The following PER2 variants were observed in gnomAD, a reference collection of about 807,000 sequenced individuals.
PER2 encodes period circadian regulator 2, also known as period circadian protein homolog 2.
PER2 carries 66 observed loss-of-function variants against 121.0 expected under a neutral mutation model. The observed-to-expected ratio is 0.55, with a 90% CI of 0.45 to 0.67. The LOEUF (loss-of-function observed/expected upper bound fraction) is 0.67, where lower values mean the gene tolerates loss of function less well. Among genes scored for constraint, PER2 ranks in the 30% least tolerant of loss-of-function variants. The probability of loss-of-function intolerance (pLI) is 0.00; values close to 1 mark genes in which losing one functional copy is unlikely to be tolerated. For missense variants in PER2, 1,521 were observed against 1,635.0 expected (o/e 0.93, Z 1.20); for synonymous variants, 684 against 659.9 (o/e 1.04, Z -0.56).
chr2:238,261,235 C>G (rs1695920449), intron 12 of PER2, among the ~76,000 whole-genome samples: 1 of 152,236 alleles, frequency 6.6e-6, no homozygotes, highest in African/African-American at 2.4e-5. Flanking sequence ...CCAGCCACGC[C>G]TCTGTGGATG....
chr2:238,294,602 C>G (rs1019606328), upstream of PER2, among the ~76,000 whole-genome samples: 2 of 152,206 alleles, frequency 1.3e-5, no homozygotes, highest in Non-Finnish European at 2.9e-5. Context: ...ATAGGACATG[C>G]GCCTGCATTC....
At position 238,258,583 on chromosome 2, in the gene PER2, C is replaced by A; in HGVS notation, c.1689G>T (p.Leu563=). 6.2e-7 allele frequency: 1 copy of A among 1,614,142 alleles called. No homozygotes were observed. Among genetic ancestry groups the A allele is most frequent in the Non-Finnish European group, 8.5e-7 (1 of 1,179,952 alleles). ...CCAACTCCTCGGGGAAGCTGACCCCCAGGCTGTCCTTTTCCATGGCAGGGA... is the reference window on the plus strand; with the variant it reads ...CCAACTCCTCGGGGAAGCTGACCCCAAGGCTGTCCTTTTCCATGGCAGGGA... ...KAVPAMEKDS[L]GVSFPEELAC... The change falls in exon 15 of 23, where the codon CTG becomes CTT. Residue 563 remains leucine (L), a synonymous_variant. Coordinates refer to ENST00000254657, the MANE Select transcript of PER2 (RefSeq NM_022817.3).
At chr2:238,265,665 A>G (rs1696069855) in intron 8 of PER2, 75 bp from the exon 9 acceptor site, 3 of 915,770 alleles carry the variant, frequency 3.3e-6, no homozygotes, top group Non-Finnish European at 5.5e-6. Context: ...AACTACCAGA[A>G]AACACCCTGT....
chr2:238,273,201 A>G lies in PER2; in HGVS notation c.449-10T>C, dbSNP rs781491708. On this transcript the variant is annotated splice_polypyrimidine_tract_variant and intron_variant, in intron 4 of 22. Transcript: ENST00000254657. ...TAATACTCTTCATTGGCTGCAGGAG[A>G]GACAGTGTTCACTCAGTGGGCAGAA... is the stretch of plus-strand genomic sequence containing the variant. 7 of 1,611,364 alleles carry G rather than the reference A, an allele frequency of 4.3e-6. No homozygotes were observed. The highest frequency in any genetic ancestry group is 5.9e-6 in the Non-Finnish European group (7 of 1,179,212).
intron 1 of PER2, among the ~76,000 whole-genome samples, chr2:238,287,232 G>A (rs183498597): frequency 4.5e-4 from 69 of 152,312 alleles, no homozygotes; most frequent in Non-Finnish European, 6.9e-4. Flanking sequence ...CACCCACGGT[G>A]CCATCCCCGC....
At chr2:238,290,488 G>C (rs1371327302), upstream of PER2, among the ~76,000 whole-genome samples, 2 of 152,106 alleles carry the variant, frequency 1.3e-5, no homozygotes, top group Non-Finnish European at 2.9e-5. Flanking sequence ...GCTGGGTCTT[G>C]CTCCATATTC....
intron 2 of PER2, 110 bp downstream of exon 2, chr2:238,277,597 A>G: frequency 7.6e-7 from 1 of 1,308,866 alleles, no homozygotes; most frequent in Non-Finnish European, 1.1e-6. Context: ...AAATCTTGAA[A>G]AACTTGGTAA....
At chr2:238,263,296 G>A (rs1035235427) in intron 9 of PER2, among the ~76,000 whole-genome samples, 2 of 152,066 alleles carry the variant, frequency 1.3e-5, no homozygotes, top group African/African-American at 4.8e-5. Flanking sequence ...GAGTGCTTCA[G>A]CTCTGCGTTT....
intron 5 of PER2, 62 bp from the exon 6 acceptor site, chr2:238,271,575 T>A: frequency 7.6e-7 from 1 of 1,321,544 alleles, no homozygotes; most frequent in Non-Finnish European, 1.1e-6. Flanking sequence ...CACATCCGAC[T>A]CAGGCAGGCA....
At chr2:238,283,037 G>A (rs940557798) in intron 1 of PER2, among the ~76,000 whole-genome samples, 8 of 152,022 alleles carry the variant, frequency 5.3e-5, no homozygotes, top group South Asian at 2.1e-4. Flanking sequence ...CTCGGATGAC[G>A]TGCCACACCA....
Position 238,245,333 on chromosome 2 carries a change from T to G in PER2, c.*1042A>C, listed in dbSNP as rs1484730413. The G allele has an allele frequency of 6.7e-5, 25 of 373,590 alleles. No individual in the cohort carries two copies. The East Asian group carries it at 9.1e-4, about 14-fold the overall frequency. 23.1% of individuals were successfully genotyped at this position (373,590 alleles called of 1,614,324 possible). ...AGAGAGGTCGGGCTCATGAAAAGAA[T>G]GAGGGCTGTGCACCCAACCCAGGGT... On this transcript the variant is annotated 3_prime_UTR_variant, in exon 23 of 23. Coordinates refer to ENST00000254657, the MANE Select transcript of PER2 (RefSeq NM_022817.3).
intron 17 of PER2, 72 bp from the exon 18 acceptor site, chr2:238,255,983 C>A: frequency 1.3e-6 from 2 of 1,557,396 alleles, no homozygotes; most frequent in African/African-American, 1.4e-5. Context: ...ACTATATTCA[C>A]GAACAAGACA....
At chr2:238,299,819 C>CA in the PER2 span, 1 of 152,234 alleles carries the variant, frequency 6.6e-6, no homozygotes, top group East Asian at 1.9e-4. Context: ...AGGTGTCCTG[C>CA]AAGGTGTTTG....
chr2:238,269,373 C>T (rs1486869160), intron 6 of PER2, among the ~76,000 whole-genome samples: 3 of 145,954 alleles, frequency 2.1e-5, no homozygotes, highest in African/African-American at 7.5e-5. Context: ...AACTAACCTG[C>T]AACTGAACAC....
rs1439488040 is a variant in PER2, at chr2:238,246,421, T to C, written c.3722A>G (p.Asp1241Gly). 1 of 1,613,040 alleles carries C rather than the reference T, an allele frequency of 6.2e-7. No individual in the cohort carries two copies. ...GTGATTCAAGGGGGATCCATTTTCG[T>C]CTTCTTTGGTGTCCGACACTTCGCT... is the stretch of plus-strand genomic sequence containing the variant. ...GLSEVSDTKE[D>G]ENGSPLNHRI... The change falls in exon 23 of 23, where the codon GAC becomes GGC. Residue 1241 changes from aspartate to glycine, a missense_variant. By Grantham distance (94) the Asp-to-Gly change is moderately conservative. Transcript: ENST00000254657.
At chr2:238,284,471 A>G (rs1696724368) in intron 1 of PER2, among the ~76,000 whole-genome samples, 1 of 151,960 alleles carries the variant, frequency 6.6e-6, no homozygotes, top group Admixed American at 6.6e-5. Flanking sequence ...AGAGAAAACG[A>G]AAAAGAAAAA....
At chr2:238,261,042 G>A in intron 12 of PER2, 89 bp from the exon 13 acceptor site, 2 of 1,498,252 alleles carry the variant, frequency 1.3e-6, no homozygotes, top group South Asian at 1.2e-5. Context: ...GTTTCGCAGA[G>A]AGGATGGCGA....
chr2:238,277,679 C>G (rs769845481), intron 2 of PER2, 28 bp downstream of exon 2: 3 of 1,613,246 alleles, frequency 1.9e-6, no homozygotes. Flanking sequence ...ACCTGCCCAG[C>G]CTCCATCTGG....
intron 9 of PER2, 45 bp from the exon 10 acceptor site, chr2:238,263,103 T>C: frequency 8.9e-7 from 1 of 1,120,860 alleles, no homozygotes; most frequent in Non-Finnish European, 1.4e-6. Context: ...TCCAAACAGA[T>C]GAGGAGATTG....
Sources: gnomAD v4.1 joint callset for allele counts (sites outside exome capture counted in the v4.1 genomes callset) on GRCh38, gnomAD v4.1.1 for gene constraint, MANE v1.5 for transcripts, NCBI Gene and HGNC (gene_info 2026-07-23, HGNC 2026-07-21) for gene names.